ALK: variants seen among roughly 807,000 people sequenced by gnomAD.
ALK encodes the protein ALK tyrosine kinase receptor.
ALK carries 74 observed loss-of-function variants against 163.1 expected under a neutral mutation model. The ratio of observed to expected loss-of-function variants is 0.45; its 90% confidence interval spans 0.38 to 0.55. ALK has a LOEUF of 0.55. ALK is among the 20% of genes least tolerant of loss of function. ALK has a pLI of 0.00. For missense variants in ALK, 2,063 were observed against 2,105.3 expected (o/e 0.98, Z 0.39); for synonymous variants, 960 against 843.2 (o/e 1.14, Z -2.40).
chr2:29,344,771 T>C (rs960945820), intron 5 of ALK, among the ~76,000 whole-genome samples: 1 of 152,234 alleles, frequency 6.6e-6, no homozygotes, highest in Non-Finnish European at 1.5e-5. Flanking sequence ...GTCTGAATGA[T>C]AGGCACACAG....
At chr2:29,555,680 A>G (rs1182563199) in intron 3 of ALK, among the ~76,000 whole-genome samples, 1 of 152,206 alleles carries the variant, frequency 6.6e-6, no homozygotes, top group Non-Finnish European at 1.5e-5. Context: ...AATGACCTCA[A>G]TTGAACGAGC....
intron 8 of ALK, among the ~76,000 whole-genome samples, chr2:29,310,526 C>G (rs1666668472): frequency 6.6e-6 from 1 of 152,182 alleles, no homozygotes; most frequent in South Asian, 2.1e-4. Flanking sequence ...CATAATACAG[C>G]CAAGTGATTT....
intron 5 of ALK, among the ~76,000 whole-genome samples, chr2:29,369,210 T>G (rs1390897364): frequency 6.6e-6 from 1 of 152,154 alleles, no homozygotes; most frequent in African/African-American, 2.4e-5. Context: ...GACCTCAATC[T>G]CTAATTAAAG....
At chr2:29,784,289 T>C (rs1558486820) in intron 1 of ALK, among the ~76,000 whole-genome samples, 1 of 150,436 alleles carries the variant, frequency 6.6e-6, no homozygotes, top group East Asian at 1.9e-4. Context: ...AGTTTCTCTT[T>C]ATCTAGCACC....
In ALK at chr2:29,260,854, A is replaced by C. The variant is rs565505911; in HGVS notation, c.2042-9587T>G. Reference sequence around the variant, plus strand: ...GCCTCAAAAACAAAACAAAACAAAAAAAAAAACAACAACAAAAAAACGCAG... The same window carrying C: ...GCCTCAAAAACAAAACAAAACAAAACAAAAAACAACAACAAAAAAACGCAG... On this transcript the variant is annotated intron_variant, in intron 11 of 28. Coordinates refer to ENST00000389048, the MANE Select transcript of ALK (RefSeq NM_004304.5). Among the ~76,000 whole-genome samples the C allele has an allele frequency of 3.3e-3, 499 of 151,444 alleles. 3 individuals are homozygous for C. Among genetic ancestry groups the C allele is most frequent in the African/African-American group, 0.011 (471 of 41,084 alleles).
At chr2:29,718,719 A>G (rs1311473074) in intron 1 of ALK, among the ~76,000 whole-genome samples, 1 of 152,196 alleles carries the variant, frequency 6.6e-6, no homozygotes, top group African/African-American at 2.4e-5. Context: ...TGAGACCTAG[A>G]GAGGCAAGTG....
At chr2:29,345,251 C>T (rs1356408036) in intron 5 of ALK, among the ~76,000 whole-genome samples, 1 of 151,678 alleles carries the variant, frequency 6.6e-6, no homozygotes, top group Non-Finnish European at 1.5e-5. Context: ...AAAAAATTAG[C>T]TGGGCATGGT....
At chr2:29,475,845 G>T (rs1671505201) in intron 4 of ALK, among the ~76,000 whole-genome samples, 1 of 147,060 alleles carries the variant, frequency 6.8e-6, no homozygotes, top group Admixed American at 6.9e-5. Context: ...AAGAGGAATT[G>T]TGCAAACTGC....
intron 1 of ALK, among the ~76,000 whole-genome samples, chr2:29,890,037 G>T (rs1477892581): frequency 6.6e-6 from 1 of 152,154 alleles, no homozygotes; most frequent in Non-Finnish European, 1.5e-5. Flanking sequence ...CAGGCCATTT[G>T]CACTCTCAGC....
At chr2:29,282,359 A>C (rs1486940391) in intron 9 of ALK, among the ~76,000 whole-genome samples, 1 of 152,154 alleles carries the variant, frequency 6.6e-6, no homozygotes, top group East Asian at 1.9e-4. Context: ...CCCTCCTATT[A>C]TCTGTATAAT....
intron 4 of ALK, among the ~76,000 whole-genome samples, chr2:29,475,242 A>G (rs1671484373): frequency 6.6e-6 from 1 of 150,898 alleles, no homozygotes; most frequent in Non-Finnish European, 1.5e-5. Flanking sequence ...CAGAGCCACC[A>G]TCGCTGGAAG....
intron 2 of ALK, among the ~76,000 whole-genome samples, chr2:29,707,789 AC>A (rs1236083965): frequency 6.6e-6 from 1 of 152,112 alleles, no homozygotes; most frequent in East Asian, 1.9e-4. Flanking sequence ...ACCAAAACCC[AC>A]CTTTTGCTGT....
chr2:29,906,929 C>T (rs112310410), intron 1 of ALK, among the ~76,000 whole-genome samples: 42 of 135,686 alleles, frequency 3.1e-4, no homozygotes, highest in East Asian at 1.2e-3. Context: ...TATACATATA[C>T]ATTTAAGGTT....
chr2:29,563,000 G>A (rs77731697), intron 3 of ALK, among the ~76,000 whole-genome samples: 134 of 152,292 alleles, frequency 8.8e-4, no homozygotes, highest in African/African-American at 3.1e-3. Flanking sequence ...ACTCCAGGCT[G>A]TGAATTGAAG....
intron 9 of ALK, among the ~76,000 whole-genome samples, chr2:29,283,732 T>C (rs185080899): frequency 3.3e-5 from 5 of 152,274 alleles, no homozygotes; most frequent in Admixed American, 1.3e-4. Flanking sequence ...GATGTGTTTT[T>C]TTCCCCCAAC....
chr2:29,643,805 G>C (rs996542385), intron 3 of ALK, among the ~76,000 whole-genome samples: 4 of 152,162 alleles, frequency 2.6e-5, no homozygotes, highest in South Asian at 2.1e-4. Context: ...TGGTGGGACG[G>C]TAAACTAGTT....
chr2:29,349,312 T>C (rs1023350125), intron 5 of ALK, among the ~76,000 whole-genome samples: 1 of 152,148 alleles, frequency 6.6e-6, no homozygotes, highest in Non-Finnish European at 1.5e-5. Flanking sequence ...TTCTTGACAA[T>C]AGGCCACAGG....
intron 3 of ALK, among the ~76,000 whole-genome samples, chr2:29,568,925 C>T (rs1674273194): frequency 6.6e-6 from 1 of 151,674 alleles, no homozygotes; most frequent in Non-Finnish European, 1.5e-5. Context: ...GCTGACAGTG[C>T]ACTCCCTAAA....
intron 1 of ALK, among the ~76,000 whole-genome samples, chr2:29,741,945 C>CG (rs1426585959): frequency 2.0e-5 from 3 of 152,320 alleles, no homozygotes; most frequent in Non-Finnish European, 1.5e-5. Context: ...AAGAAGGTTT[C>CG]AATCACCCAT....
Sources: allele counts gnomAD v4.1 joint callset (sites outside exome capture counted in the v4.1 genomes callset), GRCh38; gene constraint gnomAD v4.1.1; transcripts MANE v1.5; gene names NCBI Gene and HGNC (gene_info 2026-07-23, HGNC 2026-07-21).